BCAR3: variants seen among roughly 807,000 people sequenced by gnomAD.
The protein encoded by BCAR3 is BCAR3 adaptor protein, NSP family member.
A neutral mutation model predicts 80.1 loss-of-function variants in BCAR3; 37 were observed. That is an observed-to-expected ratio of 0.46 (90% CI 0.36 to 0.61). The LOEUF is 0.61. Ranked by LOEUF, BCAR3 falls within the 20% of genes least tolerant of loss-of-function variation. The pLI is 0.00. For synonymous variants in BCAR3, 389 were observed against 418.9 expected, an observed-to-expected ratio of 0.93 and a Z score of 0.87; for missense variants, 978 against 1,068.2, an observed-to-expected ratio of 0.92 and a Z score of 1.18.
In BCAR3 at chr1:93,576,105, C is replaced by CAGAG; in HGVS notation, c.1707_1710dup (p.Glu571LeufsTer2). On this transcript the variant is annotated frameshift_variant, in exon 8 of 12. Transcript: ENST00000260502. LOFTEE classifies it high-confidence loss of function. Reference sequence around the variant, plus strand: ...ACCCCCATGTTCCTCCTCATCTCTTCAGAGACTCCAAGTATCCTAGCAACC... The same window carrying CAGAG: ...ACCCCCATGTTCCTCCTCATCTCTTCAGAGAGAGACTCCAAGTATCCTAGCAACC... The CAGAG allele has an allele frequency of 6.2e-7, 1 of 1,614,162 alleles. No individual in the cohort carries two copies. The highest frequency in any genetic ancestry group is 1.1e-5 in the South Asian group (1 of 91,090).
chr1:93,562,495 C>G lies in BCAR3; in HGVS notation c.2300-76G>C. 2.8e-6 allele frequency: 4 copies of G among 1,437,330 alleles called. No individual in the cohort carries two copies. In the South Asian group the frequency reaches 3.8e-5, roughly 14 times the overall value. 89.0% of individuals were successfully genotyped at this position (1,437,330 alleles called of 1,614,324 possible). A position where few individuals can be genotyped will look rare whatever the true frequency, so the allele number is the denominator to read the frequency against. ...TTAAAAATAGACTGAAAGCACCAGGCGCGGTGGCTCACGCCTGTAATCCCA... is the reference window on the plus strand; with the variant it reads ...TTAAAAATAGACTGAAAGCACCAGGGGCGGTGGCTCACGCCTGTAATCCCA... On this transcript the variant is annotated intron_variant, in intron 11 of 11. Transcript: ENST00000260502.
chr1:93,596,761 T>C (rs1174822305), intron 3 of BCAR3, among the ~76,000 whole-genome samples: 1 of 152,224 alleles, frequency 6.6e-6, no homozygotes, highest in East Asian at 1.9e-4. Context: ...CTAGAAGGCA[T>C]CTGATTCCTT....
intron 7 of BCAR3, among the ~76,000 whole-genome samples, chr1:93,580,988 C>T (rs1180846066): frequency 2.0e-5 from 3 of 152,120 alleles, no homozygotes; most frequent in Non-Finnish European, 2.9e-5. Context: ...TGGCAAAACC[C>T]TATCTCTACA....
intron 2 of BCAR3, among the ~76,000 whole-genome samples, chr1:93,720,496 C>T (rs1650355537): frequency 6.6e-6 from 1 of 152,100 alleles, no homozygotes; most frequent in Non-Finnish European, 1.5e-5. Context: ...GCTTCTGCCT[C>T]CAGACCCTGG....
chr1:93,562,566 G>A lies in BCAR3; in HGVS notation c.2300-147C>T, dbSNP rs181970172. ...GGGTGGATCACAAGATCAGGAGATC[G>A]AGACCATCCTGGCTAACACAGTGAA... On this transcript the variant is annotated intron_variant, in intron 11 of 11. Coordinates refer to ENST00000260502, the MANE Select transcript of BCAR3 (RefSeq NM_003567.4). The A allele has an allele frequency of 1.8e-3, 1,125 of 613,790 alleles. 37 individuals carry two copies. In the Admixed American group the frequency reaches 0.033, roughly 18 times the overall value. The allele number at this position is 613,790 out of a possible 1,614,324, so 38.0% of individuals were successfully genotyped here. A position where few individuals can be genotyped will look rare whatever the true frequency, so the allele number is the denominator to read the frequency against.
intron 7 of BCAR3, among the ~76,000 whole-genome samples, chr1:93,579,898 C>G (rs1673629254): frequency 6.6e-6 from 1 of 152,246 alleles, no homozygotes; most frequent in South Asian, 2.1e-4. Flanking sequence ...CTCAATCCTC[C>G]TACCTCCCAA....
At chr1:93,706,823 A>G (rs1458669861) in intron 2 of BCAR3, among the ~76,000 whole-genome samples, 2 of 152,240 alleles carry the variant, frequency 1.3e-5, no homozygotes, top group Admixed American at 6.5e-5. Flanking sequence ...TATAATTTCT[A>G]TAGCAACATG....
intron 3 of BCAR3, among the ~76,000 whole-genome samples, chr1:93,627,858 C>T (rs1675497583): frequency 6.6e-6 from 1 of 152,078 alleles, no homozygotes; most frequent in South Asian, 2.1e-4. Flanking sequence ...AAGTTACTTG[C>T]TTTACATAAT....
chr1:93,838,580 T>C (rs1038592199), intron 2 of BCAR3, among the ~76,000 whole-genome samples: 2 of 152,210 alleles, frequency 1.3e-5, no homozygotes, highest in African/African-American at 2.4e-5. Flanking sequence ...TCTCCATTAC[T>C]AGTGTTGAAA....
At chr1:93,621,931 G>A (rs1675328408) in intron 3 of BCAR3, among the ~76,000 whole-genome samples, 2 of 152,174 alleles carry the variant, frequency 1.3e-5, no homozygotes, top group South Asian at 2.1e-4. Flanking sequence ...GAGGGCAGTG[G>A]CGCAATCTCA....
intron 3 of BCAR3, among the ~76,000 whole-genome samples, chr1:93,693,395 C>T (rs1249964699): frequency 1.3e-5 from 2 of 152,174 alleles, no homozygotes; most frequent in African/African-American, 2.4e-5. Flanking sequence ...CTCCATGTGA[C>T]CTCGTCTGTC....
intron 2 of BCAR3, among the ~76,000 whole-genome samples, chr1:93,788,797 C>T (rs1571128860): frequency 6.6e-6 from 1 of 152,246 alleles, no homozygotes; most frequent in East Asian, 1.9e-4. Context: ...TTTGGGCATC[C>T]TTAATCCATG....
At chr1:93,691,546 T>C (rs1048377528) in intron 3 of BCAR3, among the ~76,000 whole-genome samples, 1 of 152,072 alleles carries the variant, frequency 6.6e-6, no homozygotes, top group African/African-American at 2.4e-5. Context: ...GGCAGGCAGG[T>C]GGTTGCCAGT....
chr1:93,582,387 T>A lies in BCAR3; in HGVS notation c.1600A>T (p.Thr534Ser), dbSNP rs905626282. 6.2e-7 allele frequency: 1 copy of A among 1,614,104 alleles called. No homozygotes were observed. The highest frequency in any genetic ancestry group is 1.3e-5 in the African/African-American group (1 of 74,920). The change falls in exon 7 of 12, where the codon ACA becomes TCA. Residue 534 changes from threonine (T) to serine (S), a missense_variant. Transcript: ENST00000260502. ...TCTTTTGCACGTTTCAACATTGCTG[T>A]TTCCAGGGGCTTATTCTCAGGGGGA... Reference protein sequence around the residue: ...FLPPENKPLETAMLKRAKELF... With the variant: ...FLPPENKPLESAMLKRAKELF...
At chr1:93,576,342 A>C (rs909915569) in intron 7 of BCAR3, among the ~76,000 whole-genome samples, 3 of 152,248 alleles carry the variant, frequency 2.0e-5, no homozygotes, top group African/African-American at 7.2e-5. Flanking sequence ...GGGGAAAAGA[A>C]AGACTGGTGG....
intron 2 of BCAR3, among the ~76,000 whole-genome samples, chr1:93,740,230 G>A (rs1162897372): frequency 6.6e-6 from 1 of 152,214 alleles, no homozygotes; most frequent in Admixed American, 6.5e-5. Context: ...ATGGCTAGGT[G>A]TGTGTGGCAT....
In BCAR3 at chr1:93,777,381, T is replaced by TTCTTCTTCC. The variant is rs1279901967; in HGVS notation, c.-63+68177_-63+68185dup. ...CCTCCTCTTCTTCTTCTTCCTCCTC[T>TTCTTCTTCC]TCTTCTTCCTCTTCTTCCTCTTCCT... On this transcript the variant is annotated intron_variant, in intron 2 of 13. Transcript: ENST00000370244. 2.1e-5 allele frequency among the ~76,000 whole-genome samples: 3 copies of TTCTTCTTCC among 142,398 alleles called. No homozygotes were observed. The East Asian group carries it at 6.2e-4, about 29-fold the overall frequency. The allele number at this position is 142,398 out of a possible 152,430, so 93.4% of individuals were successfully genotyped here.
At chr1:93,566,809 C>T (rs1224164315) in intron 11 of BCAR3, among the ~76,000 whole-genome samples, 1 of 152,162 alleles carries the variant, frequency 6.6e-6, no homozygotes, top group African/African-American at 2.4e-5. Flanking sequence ...CTCACTGCAA[C>T]CTCCGCCTCC....
intron 2 of BCAR3, among the ~76,000 whole-genome samples, chr1:93,727,065 C>T (rs896631886): frequency 4.6e-5 from 7 of 152,136 alleles, no homozygotes; most frequent in African/African-American, 1.7e-4. Context: ...CTGTTCCTTC[C>T]ATTGACTCTT....
Sources: gnomAD v4.1 joint callset for allele counts (sites outside exome capture counted in the v4.1 genomes callset) on GRCh38, gnomAD v4.1.1 for gene constraint, MANE v1.5 for transcripts, NCBI Gene and HGNC (gene_info 2026-07-23, HGNC 2026-07-21) for gene names.